SPAG16: variants seen among roughly 807,000 people sequenced by gnomAD.
SPAG16 encodes sperm-associated antigen 16 protein.
A neutral mutation model predicts 80.4 loss-of-function variants in SPAG16; 86 were observed. That is an observed-to-expected ratio of 1.07 (90% CI 0.90 to 1.28). The LOEUF (loss-of-function observed/expected upper bound fraction) is 1.28. Among genes scored for constraint, SPAG16 ranks in the 50% most tolerant of loss-of-function variants. The pLI is 0.00. For missense variants in SPAG16, 870 were observed against 765.3 expected (o/e 1.14, Z -1.61); for synonymous variants, 294 against 265.9 (o/e 1.11, Z -1.03).
intron 9 of SPAG16, among the ~76,000 whole-genome samples, chr2:213,402,534 T>A (rs1482189387): frequency 6.6e-6 from 1 of 152,082 alleles, no homozygotes; most frequent in Non-Finnish European, 1.5e-5. Context: ...CATTAACTTG[T>A]CATTTAGCAT....
intron 9 of SPAG16, among the ~76,000 whole-genome samples, chr2:213,442,719 A>T (rs2071046826): frequency 6.6e-6 from 1 of 152,192 alleles, no homozygotes; most frequent in South Asian, 2.1e-4. Flanking sequence ...ACACTCGTAA[A>T]AAAATAAATC....
chr2:213,415,633 T>G (rs769876112), intron 9 of SPAG16, among the ~76,000 whole-genome samples: 9 of 152,170 alleles, frequency 5.9e-5, no homozygotes, highest in Non-Finnish European at 1.0e-4. Context: ...AACAGGAATC[T>G]TCAGATGTTT....
intron 12 of SPAG16, among the ~76,000 whole-genome samples, chr2:213,934,807 T>C (rs1054874953): frequency 6.6e-6 from 1 of 152,118 alleles, no homozygotes; most frequent in Admixed American, 6.5e-5. Flanking sequence ...AGCCTATTAT[T>C]GAAACTGAAA....
intron 10 of SPAG16, among the ~76,000 whole-genome samples, chr2:213,739,646 GGCTGGA>G (rs1258346704): frequency 6.6e-6 from 1 of 152,108 alleles, no homozygotes; most frequent in Non-Finnish European, 1.5e-5. Flanking sequence ...TTGTCGCCCA[GGCTGGA>G]GCACAATGGT....
intron 12 of SPAG16, among the ~76,000 whole-genome samples, chr2:213,940,024 A>G (rs928458984): frequency 2.6e-5 from 4 of 152,184 alleles, no homozygotes; most frequent in African/African-American, 9.7e-5. Flanking sequence ...AAAATTTCTT[A>G]TCTACAAATT....
rs563002778 is a variant in SPAG16, at chr2:213,804,753, A to G, written c.1071-57732A>G. On this transcript the variant is annotated intron_variant, in intron 10 of 15. Transcript: ENST00000331683. ...ACTAAGATTACGAGACAGGAAGCAC[A>G]GAAGCATAAGCCCTGTGCGGGATGG... 8.5e-5 allele frequency among the ~76,000 whole-genome samples: 13 copies of G among 152,324 alleles called. No individual in the cohort carries two copies. The South Asian group carries it at 1.9e-3, about 22-fold the overall frequency.
intron 12 of SPAG16, among the ~76,000 whole-genome samples, chr2:213,949,169 G>GTTTTTTTTTTTT (rs767648099): frequency 1.2e-4 from 7 of 56,738 alleles, no homozygotes; most frequent in South Asian, 1.0e-3. Flanking sequence ...AATTACAACA[G>GTTTTTTTTTTTT]TTTTTTTTTT....
At position 214,271,778 on chromosome 2, in the gene SPAG16, G is replaced by T. The variant is rs115955748; in HGVS notation, c.1720+122512G>T. On this transcript the variant is annotated intron_variant, in intron 15 of 15. Coordinates refer to ENST00000331683, the MANE Select transcript of SPAG16 (RefSeq NM_024532.5). The stretch of plus-strand genomic sequence containing the variant: ...TTGTGCCACTGCACTCCAGCCTGAG[G>T]GGCAAGAGTGAAACTATGTCTCAGA... 5.0e-3 allele frequency among the ~76,000 whole-genome samples: 757 copies of T among 151,778 alleles called. 5 individuals carry two copies. Among genetic ancestry groups the T allele is most frequent in the African/African-American group, 0.017 (716 of 41,382 alleles).
intron 3 of SPAG16, among the ~76,000 whole-genome samples, chr2:213,303,805 A>C (rs1411069536): frequency 6.6e-6 from 1 of 152,132 alleles, no homozygotes; most frequent in Non-Finnish European, 1.5e-5. Flanking sequence ...GTTGCCTCCA[A>C]ATCTTAGTTA....
intron 12 of SPAG16, among the ~76,000 whole-genome samples, chr2:213,992,518 A>T (rs538402873): frequency 6.6e-6 from 1 of 152,168 alleles, no homozygotes; most frequent in Non-Finnish European, 1.5e-5. Flanking sequence ...TAAAATTATT[A>T]TCTGTTAATT....
At chr2:214,356,424 C>A (rs1698807246) in intron 15 of SPAG16, among the ~76,000 whole-genome samples, 1 of 151,496 alleles carries the variant, frequency 6.6e-6, no homozygotes, top group African/African-American at 2.4e-5. Context: ...CATAATTTAT[C>A]AATCTTCTCT....
At chr2:213,672,288 A>T (rs575818131) in intron 10 of SPAG16, among the ~76,000 whole-genome samples, 1 of 151,596 alleles carries the variant, frequency 6.6e-6, no homozygotes, top group African/African-American at 2.4e-5. Context: ...ATCAAGCTAG[A>T]TATATTTGCT....
At chr2:213,652,824 T>G (rs1174108458) in intron 10 of SPAG16, among the ~76,000 whole-genome samples, 1 of 152,176 alleles carries the variant, frequency 6.6e-6, no homozygotes, top group Non-Finnish European at 1.5e-5. Context: ...TTTTATCCTC[T>G]GAATATGGTC....
intron 12 of SPAG16, among the ~76,000 whole-genome samples, chr2:213,986,114 C>T (rs80086793): frequency 0.038 from 5,817 of 152,058 alleles, 383 homozygotes; most frequent in African/African-American, 0.13. Context: ...TATGGGAATA[C>T]AGACAAAGAG....
At chr2:213,334,671 G>A (rs1477660304) in intron 5 of SPAG16, among the ~76,000 whole-genome samples, 1 of 152,124 alleles carries the variant, frequency 6.6e-6, no homozygotes, top group Non-Finnish European at 1.5e-5. Flanking sequence ...TGGAACTGAA[G>A]GTCGTTATGT....
intron 10 of SPAG16, among the ~76,000 whole-genome samples, chr2:213,851,340 T>C (rs2074893930): frequency 6.6e-6 from 1 of 152,002 alleles, no homozygotes; most frequent in South Asian, 2.1e-4. Flanking sequence ...TGAAACCCCA[T>C]CTCTACTAAA....
chr2:214,001,302 TTCTA>T (rs1476879684), intron 12 of SPAG16, among the ~76,000 whole-genome samples: 2 of 152,230 alleles, frequency 1.3e-5, no homozygotes, highest in African/African-American at 4.8e-5. Flanking sequence ...TGTTGACCTT[TTCTA>T]TCTATCTATT....
At chr2:213,692,809 C>T (rs183453281) in intron 10 of SPAG16, among the ~76,000 whole-genome samples, 20 of 122,650 alleles carry the variant, frequency 1.6e-4, no homozygotes, top group African/African-American at 4.5e-4. Flanking sequence ...GACTCGGTCT[C>T]GAAAAAAAAA....
chr2:213,701,711 G>A (rs1472892196), intron 10 of SPAG16, among the ~76,000 whole-genome samples: 1 of 152,240 alleles, frequency 6.6e-6, no homozygotes, highest in Non-Finnish European at 1.5e-5. Flanking sequence ...GGGACTTGGA[G>A]AACTTTTATG....
Sources: allele counts gnomAD v4.1 joint callset (sites outside exome capture counted in the v4.1 genomes callset), GRCh38; gene constraint gnomAD v4.1.1; transcripts MANE v1.5; gene names NCBI Gene and HGNC (gene_info 2026-07-23, HGNC 2026-07-21).